The following LRRC7 variants were observed in gnomAD, a reference collection of about 807,000 sequenced individuals.
LRRC7 encodes leucine rich repeat containing 7.
In LRRC7, 23 loss-of-function variants were observed where a neutral mutation model predicts 175.7. The observed-to-expected ratio is 0.13, with a 90% CI of 0.09 to 0.19. The LOEUF (loss-of-function observed/expected upper bound fraction) is 0.19, where lower values mean the gene tolerates loss of function less well. Among genes scored for constraint, LRRC7 ranks in the 10% least tolerant of loss-of-function variants. The probability of loss-of-function intolerance (pLI) is 1.00; values close to 1 mark genes in which losing one functional copy is unlikely to be tolerated. For synonymous variants in LRRC7, 685 were observed against 680.9 expected (o/e 1.01, Z -0.09); for missense variants, 1,354 against 1,904.7 (o/e 0.71, Z 5.38).
rs1237331321 is a variant in LRRC7 at position 70,141,425 on chromosome 1, T to G, written c.*19538T>G. The G allele has an allele frequency of 3.9e-5, 6 of 152,066 alleles. No homozygotes were observed. Among genetic ancestry groups the G allele is most frequent in the Non-Finnish European group, 7.4e-5 (5 of 67,976 alleles). 9.4% of individuals were successfully genotyped at this position (152,066 alleles called of 1,614,324 possible). A position where few individuals can be genotyped will look rare whatever the true frequency, so the allele number is the denominator to read the frequency against. ...TATATTTTGTTTTGAACTTTGGAATTCCATTGTGGCTTGGCACTAAATTAT... is the reference window on the plus strand; with the variant it reads ...TATATTTTGTTTTGAACTTTGGAATGCCATTGTGGCTTGGCACTAAATTAT... On this transcript the variant is annotated 3_prime_UTR_variant, in exon 27 of 27. Transcript: ENST00000651989.
At chr1:69,996,344 T>G (rs1437957569) in intron 11 of LRRC7, among the ~76,000 whole-genome samples, 3 of 152,164 alleles carry the variant, frequency 2.0e-5, no homozygotes, top group East Asian at 3.9e-4. Context: ...TTTCTCCCAT[T>G]TTGTAGGTTG....
intron 2 of LRRC7, among the ~76,000 whole-genome samples, chr1:69,711,967 G>A (rs1293807164): frequency 2.0e-5 from 3 of 152,118 alleles, no homozygotes; most frequent in African/African-American, 4.8e-5. Context: ...CACAATGAGT[G>A]GGGATCTTGT....
chr1:69,992,211 C>T (rs1245177884), intron 10 of LRRC7, among the ~76,000 whole-genome samples: 1 of 151,998 alleles, frequency 6.6e-6, no homozygotes, highest in African/African-American at 2.4e-5. Context: ...TTGATGAGTG[C>T]ACAACTATTT....
At chr1:69,709,467 T>A (rs568830575) in intron 2 of LRRC7, among the ~76,000 whole-genome samples, 1 of 152,306 alleles carries the variant, frequency 6.6e-6, no homozygotes, top group Admixed American at 6.5e-5. Flanking sequence ...GGAGAAAAAT[T>A]GGTGTGGTGA....
intron 2 of LRRC7, among the ~76,000 whole-genome samples, chr1:69,715,289 G>T (rs1485222580): frequency 6.6e-6 from 1 of 152,078 alleles, no homozygotes; most frequent in African/African-American, 2.4e-5. Flanking sequence ...ATTCTCTATA[G>T]TCCTGACTTA....
At chr1:69,589,107 A>AT (rs1389480848) in intron 1 of LRRC7, among the ~76,000 whole-genome samples, 2 of 134,126 alleles carry the variant, frequency 1.5e-5, no homozygotes, top group East Asian at 2.2e-4. Context: ...TTACCACTTC[A>AT]TAAAAAGGGT....
intron 1 of LRRC7, among the ~76,000 whole-genome samples, chr1:69,589,530 G>T (rs1157825564): frequency 6.6e-6 from 1 of 152,130 alleles, no homozygotes; most frequent in African/African-American, 2.4e-5. Context: ...ACACTTTGTT[G>T]CTCAGACCAG....
At position 70,135,146 on chromosome 1, in the gene LRRC7, T is replaced by G. The variant is rs917908753; in HGVS notation, c.*13259T>G. Among the ~76,000 whole-genome samples the G allele has an allele frequency of 3.3e-5, 5 of 152,164 alleles. No homozygotes were observed. The highest frequency in any genetic ancestry group is 1.2e-4 in the African/African-American group (5 of 41,440). ...TTCTTTTCTTTTGCACTACCTCAGA[T>G]TTTTGGTATCCACTATTAGCGAAGT... On this transcript the variant is annotated 3_prime_UTR_variant, in exon 27 of 27. Transcript: ENST00000651989.
rs574357981 is a variant in LRRC7, at chr1:69,650,539, C to CAAAAAAAAAAAAAAAAAAAAAAAAAA, written c.3-27827_3-27826insAAAAAAAAAAAAAAAAAAAAAAAAAA. On this transcript the variant is annotated intron_variant, in intron 1 of 26. Transcript: ENST00000651989. Reference sequence around the variant, plus strand: ...TGGGCGAAAAAGAGAGACTCCGTCTCAAAAAAAAAAAAAAATGCCAAGCAT... The same window carrying CAAAAAAAAAAAAAAAAAAAAAAAAAA: ...TGGGCGAAAAAGAGAGACTCCGTCTCAAAAAAAAAAAAAAAAAAAAAAAAAAAAAAAAAAAAAAAAATGCCAAGCAT... Among the ~76,000 whole-genome samples the CAAAAAAAAAAAAAAAAAAAAAAAAAA allele has an allele frequency of 5.6e-4, 44 of 79,126 alleles. 1 individual carries two copies. The highest frequency in any genetic ancestry group is 3.3e-3 in the South Asian group (6 of 1,800). 51.9% of individuals were successfully genotyped at this position (79,126 alleles called of 152,430 possible). A position where few individuals can be genotyped will look rare whatever the true frequency, so the allele number is the denominator to read the frequency against.
At chr1:70,076,393 C>G in intron 24 of LRRC7, 95 bp downstream of exon 24, 1 of 1,054,422 alleles carries the variant, frequency 9.5e-7, no homozygotes, top group Non-Finnish European at 1.4e-6. Flanking sequence ...GTCCAGGACA[C>G]AATGCCATCA....
Position 69,820,133 on chromosome 1 carries a change from A to G in LRRC7, c.422-5615A>G, listed in dbSNP as rs72675073. 8.3e-3 allele frequency among the ~76,000 whole-genome samples: 1,246 copies of G among 150,846 alleles called. 13 individuals carry two copies. The Middle Eastern group carries it at 0.11, about 14-fold the overall frequency. On this transcript the variant is annotated intron_variant, in intron 4 of 26. Transcript: ENST00000651989. ...TTTCTTTTTGCTCTCTTCCTTTGTGATTTAATTTTATATGGTGGTATGTTT... is the reference window on the plus strand; with the variant it reads ...TTTCTTTTTGCTCTCTTCCTTTGTGGTTTAATTTTATATGGTGGTATGTTT...
At chr1:70,110,105 C>T (rs1213531540) in intron 26 of LRRC7, among the ~76,000 whole-genome samples, 1 of 152,178 alleles carries the variant, frequency 6.6e-6, no homozygotes, top group Non-Finnish European at 1.5e-5. Context: ...TCAGGCCAGA[C>T]ATGATGGCTC....
intron 10 of LRRC7, among the ~76,000 whole-genome samples, chr1:69,988,429 A>G (rs1370942143): frequency 6.6e-6 from 1 of 152,224 alleles, no homozygotes; most frequent in African/African-American, 2.4e-5. Flanking sequence ...AATTTTTAAA[A>G]AGAAAAATGA....
intron 7 of LRRC7, among the ~76,000 whole-genome samples, chr1:69,907,454 A>G (rs1240376426): frequency 6.6e-6 from 1 of 152,102 alleles, no homozygotes; most frequent in African/African-American, 2.4e-5. Flanking sequence ...TAATTTATTG[A>G]GAGTTTTTAG....
intron 2 of LRRC7, among the ~76,000 whole-genome samples, chr1:69,730,493 T>A (rs1667452810): frequency 6.6e-6 from 1 of 152,056 alleles, no homozygotes; most frequent in Non-Finnish European, 1.5e-5. Context: ...TTAGCAAGAG[T>A]GACTTTTACT....
chr1:69,698,904 C>T (rs1662968461), intron 2 of LRRC7, among the ~76,000 whole-genome samples: 2 of 152,170 alleles, frequency 1.3e-5, no homozygotes, highest in Non-Finnish European at 2.9e-5. Context: ...ACCTCACTCA[C>T]CTTCCCATCT....
rs977903581 is a variant in LRRC7 at position 69,652,124 on chromosome 1, A to G, written c.3-26257A>G. Reference sequence around the variant, plus strand: ...CAGAATACTTTGGATTTGGAGTTCAACTCTCCTTACATCTCAAGGAACTGT... The same window carrying G: ...CAGAATACTTTGGATTTGGAGTTCAGCTCTCCTTACATCTCAAGGAACTGT... On this transcript the variant is annotated intron_variant, in intron 1 of 26. Coordinates refer to ENST00000651989, the MANE Select transcript of LRRC7 (RefSeq NM_001370785.2). 5.3e-5 allele frequency among the ~76,000 whole-genome samples: 8 copies of G among 152,238 alleles called. 1 individual carries two copies.
intron 18 of LRRC7, among the ~76,000 whole-genome samples, chr1:70,035,376 T>G (rs898106961): frequency 6.6e-6 from 1 of 152,156 alleles, no homozygotes; most frequent in African/African-American, 2.4e-5. Context: ...TTTCTACATG[T>G]TTATTTGTCA....
chr1:70,007,664 T>C (rs1364858907), intron 11 of LRRC7, among the ~76,000 whole-genome samples: 3 of 152,236 alleles, frequency 2.0e-5, no homozygotes, highest in African/African-American at 4.8e-5. Context: ...ACATCTTTTC[T>C]TTGCATTAAT....
Sources: allele counts gnomAD v4.1 joint callset (sites outside exome capture counted in the v4.1 genomes callset), GRCh38; gene constraint gnomAD v4.1.1; transcripts MANE v1.5; gene names NCBI Gene and HGNC (gene_info 2026-07-23, HGNC 2026-07-21).